Variants in ARHGEF12 observed in about 807,000 individuals in gnomAD.
ARHGEF12 encodes Rho guanine nucleotide exchange factor 12, also known as KMT2A/ARHGEF12 fusion protein.
ARHGEF12 carries 66 observed loss-of-function variants against 211.2 expected under a neutral mutation model. That is an observed-to-expected ratio of 0.31 (90% confidence interval 0.26 to 0.38). The LOEUF (loss-of-function observed/expected upper bound fraction) is 0.38. Ranked by LOEUF, ARHGEF12 falls within the 10% of genes least tolerant of loss-of-function variation. The pLI is 1.00. For missense variants in ARHGEF12, 1,429 were observed against 1,869.5 expected (o/e 0.76, Z 4.34); for synonymous variants, 592 against 638.4 (o/e 0.93, Z 1.09).
intron 1 of ARHGEF12, among the ~76,000 whole-genome samples, chr11:120,341,118 G>C (rs558405746): frequency 3.9e-5 from 6 of 151,968 alleles, no homozygotes; most frequent in Non-Finnish European, 7.4e-5. Context: ...GGAGTGCAGT[G>C]GCGTGATCCC....
rs900514853 is a variant in ARHGEF12 at position 120,337,790 on chromosome 11, A to G, written c.32+515A>G. On this transcript the variant is annotated intron_variant, in intron 1 of 40. Coordinates refer to ENST00000397843, the MANE Select transcript of ARHGEF12 (RefSeq NM_015313.3). ...CTGCACGGTGTTTAATTATTATCTA[A>G]TAACTTTCCAGAATGTTGACATTAC... The G allele has an allele frequency of 3.0e-6, 3 of 985,306 alleles. No homozygotes were observed. The Admixed American group carries it at 1.8e-4, about 61-fold the overall frequency. The allele number at this position is 985,306 out of a possible 1,614,324, so 61.0% of individuals were successfully genotyped here.
chr11:120,448,180 C>A lies in ARHGEF12; in HGVS notation c.1623-54C>A. ...TTGGAAATCATTTGATGTCTTTATTCTACCAACCCTCCCTTCTCAGAAGTC... is the reference window on the plus strand; with the variant it reads ...TTGGAAATCATTTGATGTCTTTATTATACCAACCCTCCCTTCTCAGAAGTC... On this transcript the variant is annotated intron_variant, in intron 19 of 40. Transcript: ENST00000397843. 5 of 1,328,182 alleles carry A rather than the reference C, an allele frequency of 3.8e-6. No individual in the cohort carries two copies. The South Asian group carries it at 6.3e-5, about 17-fold the overall frequency. The allele number at this position is 1,328,182 out of a possible 1,614,324, so 82.3% of individuals were successfully genotyped here.
intron 1 of ARHGEF12, among the ~76,000 whole-genome samples, chr11:120,381,136 C>T (rs917828682): frequency 2.6e-5 from 4 of 152,056 alleles, no homozygotes; most frequent in African/African-American, 7.2e-5. Context: ...ATTGGAGTAT[C>T]GTTGCTTTTA....
intron 7 of ARHGEF12, among the ~76,000 whole-genome samples, chr11:120,426,995 G>C (rs2135707332): frequency 6.6e-6 from 1 of 152,182 alleles, no homozygotes; most frequent in East Asian, 1.9e-4. Flanking sequence ...TCCTGCCTCA[G>C]CTTCCCTAGT....
rs776685213 is a variant in ARHGEF12, at chr11:120,406,159, C to T, written c.56+18C>T. On this transcript the variant is annotated intron_variant, in intron 2 of 40. Transcript: ENST00000397843. Reference sequence around the variant, plus strand: ...CCTATAAGGTAAGTTTGCTCAATTACACTTCATACTCAAGTTTAGGTTATA... The same window carrying T: ...CCTATAAGGTAAGTTTGCTCAATTATACTTCATACTCAAGTTTAGGTTATA... 2 of 1,499,096 alleles carry T rather than the reference C, an allele frequency of 1.3e-6. No homozygotes were observed. Among genetic ancestry groups the T allele is most frequent in the South Asian group, 1.3e-5 (1 of 75,012 alleles). The allele number at this position is 1,499,096 out of a possible 1,614,324, so 92.9% of individuals were successfully genotyped here.
At chr11:120,408,311 G>A (rs1944772479) in intron 3 of ARHGEF12, 1 of 152,230 alleles carries the variant, frequency 6.6e-6, no homozygotes, top group Non-Finnish European at 1.5e-5. Flanking sequence ...TTTCTCTTCA[G>A]TCAAAAAGTA....
At chr11:120,341,940 G>T (rs531661668) in intron 1 of ARHGEF12, among the ~76,000 whole-genome samples, 44 of 152,162 alleles carry the variant, frequency 2.9e-4, no homozygotes, top group African/African-American at 9.9e-4. Context: ...GATATCCTGT[G>T]GTAGTATAAT....
In ARHGEF12 at chr11:120,489,852, C is replaced by G. The variant is rs912479537; in HGVS notation, c.*4775C>G. On this transcript the variant is annotated 3_prime_UTR_variant, in exon 41 of 41. Coordinates refer to ENST00000397843, the MANE Select transcript of ARHGEF12 (RefSeq NM_015313.3). ...AGATACAGATACATATCTGGTGGAA[C>G]AAAGAAATACCTGTACCATTCCCAC... is the stretch of plus-strand genomic sequence containing the variant. 5.4e-6 allele frequency: 1 copy of G among 185,412 alleles called. No homozygotes were observed. Among genetic ancestry groups the G allele is most frequent in the Non-Finnish European group, 1.1e-5 (1 of 87,460 alleles). The allele number at this position is 185,412 out of a possible 1,614,324, so 11.5% of individuals were successfully genotyped here. A position where few individuals can be genotyped will look rare whatever the true frequency, so the allele number is the denominator to read the frequency against.
At chr11:120,425,548 C>T (rs1945319214) in intron 7 of ARHGEF12, among the ~76,000 whole-genome samples, 2 of 151,766 alleles carry the variant, frequency 1.3e-5, no homozygotes, top group Admixed American at 1.3e-4. Flanking sequence ...TCACCCATCT[C>T]AGCCTCCTAA....
At chr11:120,353,284 G>A (rs1943041655) in intron 1 of ARHGEF12, among the ~76,000 whole-genome samples, 1 of 152,186 alleles carries the variant, frequency 6.6e-6, no homozygotes, top group Non-Finnish European at 1.5e-5. Context: ...AGGACCTTGT[G>A]CCCGGTATTA....
At chr11:120,391,405 G>A (rs1944213134) in intron 1 of ARHGEF12, among the ~76,000 whole-genome samples, 1 of 152,222 alleles carries the variant, frequency 6.6e-6, no homozygotes, top group African/African-American at 2.4e-5. Flanking sequence ...TCCCAGGGTA[G>A]AATTTTTTCC....
At chr11:120,394,936 A>C (rs1232672180) in intron 1 of ARHGEF12, among the ~76,000 whole-genome samples, 2 of 151,650 alleles carry the variant, frequency 1.3e-5, no homozygotes, top group Non-Finnish European at 2.9e-5. Context: ...GCGAACCTGT[A>C]ATCCCAGCTA....
chr11:120,352,084 A>G (rs893063134), intron 1 of ARHGEF12, among the ~76,000 whole-genome samples: 1 of 152,216 alleles, frequency 6.6e-6, no homozygotes, highest in Non-Finnish European at 1.5e-5. Flanking sequence ...ACCATTAAAG[A>G]GTTGCCTTCA....
At chr11:120,477,403 C>T (rs1947071812) in intron 35 of ARHGEF12, 44 bp from the exon 36 acceptor site, 5 of 1,577,530 alleles carry the variant, frequency 3.2e-6, no homozygotes, top group Non-Finnish European at 3.4e-6. Context: ...TGTTTAGATA[C>T]CTCAGGAAGG....
At chr11:120,383,173 G>A (rs1943926462) in intron 1 of ARHGEF12, among the ~76,000 whole-genome samples, 1 of 152,046 alleles carries the variant, frequency 6.6e-6, no homozygotes, top group African/African-American at 2.4e-5. Flanking sequence ...TTGGGGGAGA[G>A]CCAGGTGTTG....
intron 16 of ARHGEF12, among the ~76,000 whole-genome samples, chr11:120,445,671 G>A (rs1946021891): frequency 1.3e-5 from 2 of 152,128 alleles, no homozygotes; most frequent in Admixed American, 1.3e-4. Context: ...GGCCAAGGTG[G>A]GTGGATTACC....
chr11:120,380,609 G>A (rs1591522621), intron 1 of ARHGEF12, among the ~76,000 whole-genome samples: 1 of 152,196 alleles, frequency 6.6e-6, no homozygotes, highest in South Asian at 2.1e-4. Context: ...CTCATCAGGG[G>A]TGCATGATGT....
chr11:120,414,105 AAT>A (rs1189519694), intron 4 of ARHGEF12, among the ~76,000 whole-genome samples: 2 of 152,186 alleles, frequency 1.3e-5, no homozygotes, highest in Non-Finnish European at 2.9e-5. Flanking sequence ...TAACAGAAAA[AAT>A]ATGTCTTTTG....
chr11:120,393,175 C>T lies in ARHGEF12; in HGVS notation c.33-12943C>T, dbSNP rs148345920. On this transcript the variant is annotated intron_variant, in intron 1 of 40. Transcript: ENST00000397843. ...AATACAAAATCAAATAGAATGTGGT[C>T]CTTGCCTTCAAATAATTTAAAATCT... 2.1e-3 allele frequency among the ~76,000 whole-genome samples: 313 copies of T among 152,154 alleles called. 1 individual carries two copies. Among genetic ancestry groups the T allele is most frequent in the Admixed American group, 5.7e-3 (87 of 15,268 alleles).
Sources: allele counts gnomAD v4.1 joint callset (sites outside exome capture counted in the v4.1 genomes callset), GRCh38; gene constraint gnomAD v4.1.1; transcripts MANE v1.5; gene names NCBI Gene and HGNC (gene_info 2026-07-23, HGNC 2026-07-21).